The following CD276 variants were observed in gnomAD, a reference collection of about 807,000 sequenced individuals.
CD276 encodes the protein CD276 molecule, also known as CD276 antigen.
Under a neutral mutation model 50.0 loss-of-function variants are expected in CD276, and 34 were observed. The observed-to-expected ratio is 0.68, with a 90% CI of 0.52 to 0.91. The LOEUF (loss-of-function observed/expected upper bound fraction) is 0.91, where lower values mean the gene tolerates loss of function less well. CD276 is among the 40% of genes least tolerant of loss of function. CD276 has a pLI of 0.00. For missense variants in CD276, 634 were observed against 717.5 expected (o/e 0.88, Z 1.33); for synonymous variants, 275 against 313.0 (o/e 0.88, Z 1.28).
Position 73,713,477 on chromosome 15 carries a change from C to T in CD276, c.*521C>T, listed in dbSNP as rs1900995020. On this transcript the variant is annotated 3_prime_UTR_variant, in exon 10 of 10. Coordinates refer to ENST00000318443, the MANE Select transcript of CD276 (RefSeq NM_001024736.2). ...CTGCATAGAATCTTTTCTTCTCAGACAGGGACAGTGCGGCCTCAACATCTC... is the reference window on the plus strand; with the variant it reads ...CTGCATAGAATCTTTTCTTCTCAGATAGGGACAGTGCGGCCTCAACATCTC... 1 of 288,064 alleles carries T rather than the reference C, an allele frequency of 3.5e-6. No individual in the cohort carries two copies. Among genetic ancestry groups the T allele is most frequent in the African/African-American group, 2.4e-5 (1 of 42,504 alleles). The allele number at this position is 288,064 out of a possible 1,614,324, so 17.8% of individuals were successfully genotyped here.
At chr15:73,712,770 G>A (rs1900958400) in intron 9 of CD276, among the ~76,000 whole-genome samples, 164 bp from the exon 10 acceptor site, 1 of 152,184 alleles carries the variant, frequency 6.6e-6, no homozygotes, top group South Asian at 2.1e-4. Flanking sequence ...GGGCCTCCAG[G>A]GCCGTGGTCA....
rs1420710380 is a variant in CD276 at position 73,704,662 on chromosome 15, TGC to T, written c.1369+191_1369+192del. ...GCTGATAAGAACCATTTATAATGTT[TGC>T]CTTCCTAAGAGTGCTTTTCGTGGCA... On this transcript the variant is annotated intron_variant, in intron 6 of 9. Coordinates refer to ENST00000318443, the MANE Select transcript of CD276 (RefSeq NM_001024736.2). The surrounding 1 kb of genome is among the most constrained non-coding windows in gnomAD (Gnocchi z 4.1). Among the ~76,000 whole-genome samples, 2 of 152,216 alleles carry T rather than the reference TGC, an allele frequency of 1.3e-5. No homozygotes were observed. Among genetic ancestry groups the T allele is most frequent in the Non-Finnish European group, 1.5e-5 (1 of 68,046 alleles).
At chr15:73,707,509 T>TG in intron 6 of CD276, among the ~76,000 whole-genome samples, 1 of 152,246 alleles carries the variant, frequency 6.6e-6, no homozygotes, top group African/African-American at 2.4e-5. Flanking sequence ...CCTGACTCCT[T>TG]GGGGAAACTC....
chr15:73,691,638 C>A (rs968787923), intron 1 of CD276, among the ~76,000 whole-genome samples: 2 of 152,124 alleles, frequency 1.3e-5, no homozygotes, highest in Non-Finnish European at 2.9e-5. Context: ...GGACTGGGCT[C>A]CCTGCAGGAG....
At chr15:73,686,320 A>C (rs1193031939) in intron 1 of CD276, 1 of 984,410 alleles carries the variant, frequency 1.0e-6, no homozygotes, top group Non-Finnish European at 1.2e-6. Flanking sequence ...AGCCTGTGTT[A>C]ATGCAAGTCT....
chr15:73,698,364 C>G (rs1375530951), intron 1 of CD276, among the ~76,000 whole-genome samples: 1 of 152,180 alleles, frequency 6.6e-6, no homozygotes, highest in Non-Finnish European at 1.5e-5. Context: ...CTATACTGAA[C>G]CCTTCCATTT....
chr15:73,712,685 T>G (rs1431027635), intron 9 of CD276, among the ~76,000 whole-genome samples: 1 of 152,012 alleles, frequency 6.6e-6, no homozygotes, highest in African/African-American at 2.4e-5. Context: ...TGTGGGCCTG[T>G]GGGTACTGAG....
chr15:73,688,300 C>CAAT, intron 1 of CD276, among the ~76,000 whole-genome samples: 1 of 152,090 alleles, frequency 6.6e-6, no homozygotes, highest in Middle Eastern at 3.4e-3. Context: ...ATAATAACAG[C>CAAT]AATAATAATA....
intron 1 of CD276, among the ~76,000 whole-genome samples, chr15:73,688,724 T>G (rs930868346): frequency 6.6e-5 from 10 of 152,156 alleles, no homozygotes; most frequent in Non-Finnish European, 7.4e-5. Flanking sequence ...CTGGACCAGG[T>G]GTACCGTAAG....
intron 1 of CD276, among the ~76,000 whole-genome samples, chr15:73,692,578 A>T (rs925213617): frequency 1.1e-4 from 16 of 152,218 alleles, no homozygotes; most frequent in Admixed American, 2.0e-4. Context: ...AAACTGGCCT[A>T]TGTTATTATT....
rs761709030 is a variant in CD276, at chr15:73,704,455, G to A, written c.1352G>A (p.Gly451Asp). 8.1e-6 allele frequency: 13 copies of A among 1,613,204 alleles called. No individual in the cohort carries two copies. The highest frequency in any genetic ancestry group is 1.0e-5 in the Non-Finnish European group (12 of 1,179,748). ...RNPVLQQDAH[G>D]SVTITGQPMT... ...CCCGTGCTGCAGCAGGATGCGCACG[G>A]CTCTGTCACCATCACAGGTAAGGGC... Residue 451 changes from glycine (G) to aspartate (D), a missense_variant, in exon 6 of 10, where the codon GGC becomes GAC. Physicochemically the swap from Gly to Asp is moderately conservative, Grantham distance 94. Coordinates refer to ENST00000318443, the MANE Select transcript of CD276 (RefSeq NM_001024736.2). The surrounding 1 kb of genome is among the most constrained non-coding windows in gnomAD (Gnocchi z 4.1).
Position 73,702,463 on chromosome 15 carries a change from C to T in CD276, c.288C>T (p.Phe96=). The T allele has an allele frequency of 1.2e-6, 2 of 1,613,730 alleles. No homozygotes were observed. Among genetic ancestry groups the T allele is most frequent in the Non-Finnish European group, 1.7e-6 (2 of 1,180,016 alleles). The change falls in exon 3 of 10, where the codon TTC becomes TTT. Residue 96 remains phenylalanine (F), a synonymous_variant. Coordinates refer to ENST00000318443, the MANE Select transcript of CD276 (RefSeq NM_001024736.2). ...CCTATGCCAACCGCACGGCCCTCTT[C>T]CCGGACCTGCTGGCACAGGGCAACG... ...GSAYANRTAL[F]PDLLAQGNAS...
In CD276 at chr15:73,711,123, C is replaced by CT. The variant is rs758599974; in HGVS notation, c.1547-5dup. 3.0e-5 allele frequency: 48 copies of CT among 1,613,918 alleles called. No individual in the cohort carries two copies. The East Asian group carries it at 8.0e-4, about 27-fold the overall frequency. ...TTCCTCCCTCACCGTGTGCGCCTTC[C>CT]TTTTTTTACAGCCCTGCAGCCTCTG... On this transcript the variant is annotated splice_polypyrimidine_tract_variant and intron_variant, in intron 8 of 9. Coordinates refer to ENST00000318443, the MANE Select transcript of CD276 (RefSeq NM_001024736.2).
Position 73,713,061 on chromosome 15 carries a change from C to A in CD276, c.*105C>A. The A allele has an allele frequency of 9.8e-7, 1 of 1,022,738 alleles. No homozygotes were observed. Among genetic ancestry groups the A allele is most frequent in the Non-Finnish European group, 1.5e-6 (1 of 683,222 alleles). 63.4% of individuals were successfully genotyped at this position (1,022,738 alleles called of 1,614,324 possible). On this transcript the variant is annotated 3_prime_UTR_variant, in exon 10 of 10. Transcript: ENST00000318443. ...CCCCAACAGATGCATCCTGCTCTGACAGGTGGGCTCCTTCTCCAAAGGATG... is the reference window on the plus strand; with the variant it reads ...CCCCAACAGATGCATCCTGCTCTGAAAGGTGGGCTCCTTCTCCAAAGGATG...
chr15:73,707,613 C>T (rs1900698365), intron 6 of CD276, among the ~76,000 whole-genome samples: 1 of 152,208 alleles, frequency 6.6e-6, no homozygotes, highest in South Asian at 2.1e-4. Flanking sequence ...TGTTTTTAGG[C>T]ATCGTGGGCC....
At chr15:73,705,940 CATTT>C (rs1455237512) in intron 6 of CD276, among the ~76,000 whole-genome samples, 1 of 152,202 alleles carries the variant, frequency 6.6e-6, no homozygotes, top group Non-Finnish European at 1.5e-5. Context: ...GAGTAGCTAA[CATTT>C]AAAGTGATTT....
At chr15:73,688,329 G>A (rs953576006) in intron 1 of CD276, among the ~76,000 whole-genome samples, 1 of 152,122 alleles carries the variant, frequency 6.6e-6, no homozygotes, top group Non-Finnish European at 1.5e-5. Context: ...TGCAGTTTTG[G>A]TACTGGGCAC....
chr15:73,703,757 C>G lies in CD276; in HGVS notation c.832C>G (p.Leu278Val), dbSNP rs1900515824. 1 of 1,613,524 alleles carries G rather than the reference C, an allele frequency of 6.2e-7. No homozygotes were observed. Among genetic ancestry groups the G allele is most frequent in the Admixed American group, 1.7e-5 (1 of 60,002 alleles). Residue 278 changes from leucine (L) to valine (V), a missense_variant, in exon 5 of 10, where the codon CTG becomes GTG. Coordinates refer to ENST00000318443, the MANE Select transcript of CD276 (RefSeq NM_001024736.2). ...CSFSPEPGFS[L>V]AQLNLIWQLT... is the part of the protein sequence containing the mutation. Reference sequence around the variant, plus strand: ...CTTCTCCCCCGAGCCTGGCTTCAGCCTGGCACAGCTCAACCTCATCTGGCA... The same window carrying G: ...CTTCTCCCCCGAGCCTGGCTTCAGCGTGGCACAGCTCAACCTCATCTGGCA...
Position 73,704,196 on chromosome 15 carries a change from A to T in CD276, c.1093A>T (p.Met365Leu), listed in dbSNP as rs140663039. ...QVAAPYSKPS[M>L]TLEPNKDLRP... is the part of the protein sequence containing the mutation. Reference sequence around the variant, plus strand: ...TCCAGCTCCCTACTCGAAGCCCAGCATGACCCTGGAGCCCAACAAGGACCT... The same window carrying T: ...TCCAGCTCCCTACTCGAAGCCCAGCTTGACCCTGGAGCCCAACAAGGACCT... Residue 365 changes from methionine to leucine, a missense_variant, in exon 6 of 10, where the codon ATG (methionine) becomes TTG (leucine). Met to Leu is a conservative substitution (Grantham distance 15, BLOSUM62 2). Transcript: ENST00000318443. This position sits in a 1 kb window ranked among gnomAD's most constrained non-coding sequence, Gnocchi z 4.1. 5 of 1,613,432 alleles carry T rather than the reference A, an allele frequency of 3.1e-6. No homozygotes were observed. Among genetic ancestry groups the T allele is most frequent in the Admixed American group, 1.7e-5 (1 of 59,908 alleles).
Sources: allele counts gnomAD v4.1 joint callset (sites outside exome capture counted in the v4.1 genomes callset), GRCh38; gene constraint gnomAD v4.1.1; non-coding constraint Gnocchi (gnomAD v3.1); transcripts MANE v1.5; gene names NCBI Gene and HGNC (gene_info 2026-07-23, HGNC 2026-07-21).